CCDC170: variants seen among roughly 807,000 people sequenced by gnomAD.
CCDC170 encodes the protein coiled-coil domain containing 170, also known as coiled-coil domain-containing protein 170.
Under a neutral mutation model 72.6 loss-of-function variants are expected in CCDC170, and 69 were observed. The ratio of observed to expected loss-of-function variants is 0.95; its 90% CI spans 0.78 to 1.16. The LOEUF (loss-of-function observed/expected upper bound fraction) is 1.16, where lower values mean the gene tolerates loss of function less well. CCDC170 is among the 50% of genes most tolerant of loss of function. CCDC170 has a pLI of 0.00. For missense variants in CCDC170, 852 were observed against 832.5 expected, an observed-to-expected ratio of 1.02 and a Z score of -0.29; for synonymous variants, 300 against 303.9, an observed-to-expected ratio of 0.99 and a Z score of 0.13.
chr6:151,531,790 T>C (rs1313627629), intron 1 of CCDC170, among the ~76,000 whole-genome samples: 1 of 152,154 alleles, frequency 6.6e-6, no homozygotes, highest in Non-Finnish European at 1.5e-5. Flanking sequence ...AATACATCCT[T>C]CTTCACATGG....
chr6:151,567,089 T>C (rs1045403036), intron 5 of CCDC170, among the ~76,000 whole-genome samples: 10 of 152,080 alleles, frequency 6.6e-5, no homozygotes, highest in African/African-American at 2.2e-4. Context: ...CCCAACTAAT[T>C]TGTATTTTCA....
chr6:151,527,882 A>C (rs542454059), intron 1 of CCDC170, among the ~76,000 whole-genome samples: 1 of 152,162 alleles, frequency 6.6e-6, no homozygotes, highest in African/African-American at 2.4e-5. Context: ...AGGGGCAGGC[A>C]GTGATTTTCT....
At chr6:151,601,828 T>G (rs768167538) in intron 9 of CCDC170, among the ~76,000 whole-genome samples, 8 of 152,174 alleles carry the variant, frequency 5.3e-5, no homozygotes, top group Non-Finnish European at 1.0e-4. Context: ...GCACTCTGCT[T>G]TATGCAAAGT....
intron 4 of CCDC170, 78 bp from the exon 5 acceptor site, chr6:151,548,226 T>C (rs1449231133): frequency 4.2e-5 from 52 of 1,244,806 alleles, no homozygotes; most frequent in Non-Finnish European, 5.4e-5. Context: ...GATAATGCAG[T>C]CTATAGATGT....
intron 5 of CCDC170, among the ~76,000 whole-genome samples, chr6:151,557,911 C>CA (rs1213076513): frequency 6.6e-6 from 1 of 152,088 alleles, no homozygotes; most frequent in Admixed American, 6.6e-5. Flanking sequence ...CCAGCCTGGC[C>CA]AACATGGCCA....
rs777112292 is a variant in CCDC170 at position 151,548,411 on chromosome 6, C to T, written c.696C>T (p.Ile232=). The change falls in exon 5 of 11, where the codon ATC becomes ATT. Residue 232 remains isoleucine, a synonymous_variant. Coordinates refer to ENST00000239374, the MANE Select transcript of CCDC170 (RefSeq NM_025059.4). ...EMEAKASRET[I]MRLASEVNRE... Reference sequence around the variant, plus strand: ...AAGCAAAAGCTAGCAGAGAAACGATCATGAGGCTGGCTTCAGAAGTCAACA... The same window carrying T: ...AAGCAAAAGCTAGCAGAGAAACGATTATGAGGCTGGCTTCAGAAGTCAACA... 2.7e-5 allele frequency: 44 copies of T among 1,612,858 alleles called. No individual in the cohort carries two copies. The Admixed American group carries it at 7.2e-4, about 26-fold the overall frequency.
intron 5 of CCDC170, among the ~76,000 whole-genome samples, chr6:151,571,728 G>C (rs993139741): frequency 6.8e-6 from 1 of 146,204 alleles, no homozygotes; most frequent in Admixed American, 7.1e-5. Context: ...ACTCCGTCCC[G>C]GGAGAAAAAA....
Position 151,615,469 on chromosome 6 carries a change from C to T in CCDC170, c.1737C>T (p.Ala579=). 6.2e-7 allele frequency: 1 copy of T among 1,613,766 alleles called. No individual in the cohort carries two copies. The highest frequency in any genetic ancestry group is 8.5e-7 in the Non-Finnish European group (1 of 1,179,742). The change falls in exon 10 of 11, where the codon GCC becomes GCT. Residue 579 remains alanine (A), a synonymous_variant. Transcript: ENST00000239374. ...LKIKTLEQTK[A]IEDLNKSRDQ... is the part of the protein sequence containing the mutation. ...TTAAAACTTTGGAACAGACTAAAGC[C>T]ATTGAAGATCTAAACAAATCCAGAG...
chr6:151,519,920 AT>A (rs1782293481), intron 1 of CCDC170, among the ~76,000 whole-genome samples: 1 of 152,082 alleles, frequency 6.6e-6, no homozygotes, highest in Admixed American at 6.6e-5. Context: ...TGCCATCTTG[AT>A]TTTGGTGGGT....
intron 6 of CCDC170, among the ~76,000 whole-genome samples, chr6:151,584,884 A>G (rs1399332068): frequency 6.6e-6 from 1 of 152,212 alleles, no homozygotes; most frequent in African/African-American, 2.4e-5. Flanking sequence ...AAAAATTTAG[A>G]CAGTAAAAAT....
chr6:151,500,227 T>G (rs1311734865), intron 1 of CCDC170, among the ~76,000 whole-genome samples: 3 of 151,640 alleles, frequency 2.0e-5, no homozygotes, highest in African/African-American at 7.3e-5. Flanking sequence ...TTTTTTTTTT[T>G]TTGTTCTACT....
At chr6:151,614,313 T>C (rs1776922442) in intron 9 of CCDC170, among the ~76,000 whole-genome samples, 1 of 152,180 alleles carries the variant, frequency 6.6e-6, no homozygotes, top group African/African-American at 2.4e-5. Context: ...CTATCTTACA[T>C]ACAATTCCTA....
intron 1 of CCDC170, among the ~76,000 whole-genome samples, chr6:151,501,273 A>G (rs893460516): frequency 6.6e-6 from 1 of 152,164 alleles, no homozygotes; most frequent in Non-Finnish European, 1.5e-5. Flanking sequence ...GAGACTAAGG[A>G]AAAATGAAAA....
At chr6:151,580,789 A>G (rs1002952165) in intron 6 of CCDC170, among the ~76,000 whole-genome samples, 3 of 152,184 alleles carry the variant, frequency 2.0e-5, no homozygotes, top group Non-Finnish European at 2.9e-5. Flanking sequence ...TAGCACTTCA[A>G]TCTGCATTGC....
At chr6:151,500,215 GT>G (rs71887705) in intron 1 of CCDC170, among the ~76,000 whole-genome samples, 10,120 of 134,106 alleles carry the variant, frequency 0.075, 999 homozygotes, top group African/African-American at 0.24. Context: ...GGTTTGCTCT[GT>G]TTTTTTTTTT....
chr6:151,562,033 T>G (rs1233102614), intron 5 of CCDC170, among the ~76,000 whole-genome samples: 2 of 152,222 alleles, frequency 1.3e-5, no homozygotes, highest in Non-Finnish European at 2.9e-5. Flanking sequence ...TAACATTATT[T>G]TGAAATTACT....
chr6:151,517,677 C>T (rs1213841503), intron 1 of CCDC170, among the ~76,000 whole-genome samples: 3 of 151,800 alleles, frequency 2.0e-5, no homozygotes, highest in East Asian at 1.9e-4. Context: ...CTCCTGACCT[C>T]GTGATCCACC....
intron 1 of CCDC170, among the ~76,000 whole-genome samples, chr6:151,512,913 C>A (rs1487844168): frequency 6.6e-6 from 1 of 152,184 alleles, no homozygotes; most frequent in African/African-American, 2.4e-5. Flanking sequence ...ACTGATTAAG[C>A]AGTGACCCTT....
At chr6:151,529,892 G>T (rs1244451407) in intron 1 of CCDC170, among the ~76,000 whole-genome samples, 1 of 152,056 alleles carries the variant, frequency 6.6e-6, no homozygotes, top group Non-Finnish European at 1.5e-5. Context: ...GGTGTCTGGT[G>T]AGGGTCATCC....
Sources: gnomAD v4.1 joint callset for allele counts (sites outside exome capture counted in the v4.1 genomes callset) on GRCh38, gnomAD v4.1.1 for gene constraint, MANE v1.5 for transcripts, NCBI Gene and HGNC (gene_info 2026-07-23, HGNC 2026-07-21) for gene names.